Variants in ABCA1 observed in about 807,000 individuals in gnomAD.
ABCA1 encodes ATP binding cassette subfamily A member 1.
In ABCA1, 133 loss-of-function variants were observed where a neutral mutation model predicts 262.5. The ratio of observed to expected loss-of-function variants is 0.51; its 90% CI spans 0.44 to 0.59. The LOEUF is 0.59. ABCA1 is among the 20% of genes least tolerant of loss of function. The pLI, the probability that ABCA1 is intolerant of heterozygous loss-of-function variation, is 0.00. For synonymous variants in ABCA1, 1,022 were observed against 1,043.5 expected, an observed-to-expected ratio of 0.98 and a Z score of 0.40; for missense variants, 2,452 against 2,777.5, an observed-to-expected ratio of 0.88 and a Z score of 2.63.
chr9:104,829,281 C>T (rs933446637), intron 14 of ABCA1, 143 bp from the exon 15 acceptor site: 18 of 786,698 alleles, frequency 2.3e-5, no homozygotes, highest in African/African-American at 1.7e-4. Context: ...CTGAAATGTA[C>T]GTATGATCCA....
chr9:104,897,918 A>G (rs1406386807), intron 2 of ABCA1, among the ~76,000 whole-genome samples: 1 of 152,134 alleles, frequency 6.6e-6, no homozygotes, highest in African/African-American at 2.4e-5. Flanking sequence ...CTTATTAACA[A>G]TACTCTCTTC....
At chr9:104,868,969 CAAGG>C (rs1400692647) in intron 5 of ABCA1, among the ~76,000 whole-genome samples, 3 of 149,192 alleles carry the variant, frequency 2.0e-5, no homozygotes, top group African/African-American at 7.4e-5. Flanking sequence ...GCATAGAGGA[CAAGG>C]AAGGTGGGAG....
chr9:104,840,777 T>C (rs2119035765), intron 8 of ABCA1, among the ~76,000 whole-genome samples: 1 of 152,280 alleles, frequency 6.6e-6, no homozygotes, highest in Non-Finnish European at 1.5e-5. Flanking sequence ...CTGAGACCCC[T>C]CTGCCGACCT....
chr9:104,864,850 GT>G (rs1836945017), intron 5 of ABCA1, among the ~76,000 whole-genome samples: 2 of 152,158 alleles, frequency 1.3e-5, no homozygotes, highest in African/African-American at 2.4e-5. Flanking sequence ...TAAGACTTCT[GT>G]TATGTTAACA....
Position 104,792,779 on chromosome 9 carries a change from C to CTCT in ABCA1, c.5757+4_5757+6dup. ...AAGATGAGCTATTGTAACCTGTACT[C>CTCT]TCTCACCTTCGTCAACTCCTTGATT... On this transcript the variant is annotated splice_region_variant and intron_variant, in intron 42 of 49. Transcript: ENST00000374736. The CTCT allele has an allele frequency of 6.2e-7, 1 of 1,614,104 alleles. No individual in the cohort carries two copies. The highest frequency in any genetic ancestry group is 2.2e-5 in the East Asian group (1 of 44,868).
chr9:104,784,667 TGGGG>T, intron 49 of ABCA1, among the ~76,000 whole-genome samples: 1 of 152,118 alleles, frequency 6.6e-6, no homozygotes, highest in African/African-American at 2.4e-5. Context: ...CCCCTTGAAA[TGGGG>T]TCTTGCTCTG....
At chr9:104,823,071 A>C (rs1832511629) in intron 18 of ABCA1, among the ~76,000 whole-genome samples, 2 of 152,088 alleles carry the variant, frequency 1.3e-5, no homozygotes, top group Admixed American at 1.3e-4. Flanking sequence ...AGTGAAAAAA[A>C]AAAAAAGCCA....
In ABCA1 at chr9:104,799,571, CT is replaced by C. The variant is rs1307002177; in HGVS notation, c.4943+247del. 4.1e-6 allele frequency: 4 copies of C among 984,688 alleles called. No homozygotes were observed. In the African/African-American group the frequency reaches 7.0e-5, roughly 17 times the overall value. The allele number at this position is 984,688 out of a possible 1,614,324, so 61.0% of individuals were successfully genotyped here. On this transcript the variant is annotated intron_variant, in intron 36 of 49. Coordinates refer to ENST00000374736, the MANE Select transcript of ABCA1 (RefSeq NM_005502.4). ...ATTTAATTAACAATTTTTGAACTCACTTTATATGAATTCACTAAATGTTACG... is the reference window on the plus strand; with the variant it reads ...ATTTAATTAACAATTTTTGAACTCACTTATATGAATTCACTAAATGTTACG...
chr9:104,814,632 G>A (rs1436867512), intron 25 of ABCA1, among the ~76,000 whole-genome samples, 157 bp from the exon 26 acceptor site: 2 of 152,214 alleles, frequency 1.3e-5, no homozygotes, highest in African/African-American at 4.8e-5. Flanking sequence ...AGTTACCTGG[G>A]AGAGAAGCCG....
At chr9:104,887,795 C>T (rs376686340) in intron 3 of ABCA1, among the ~76,000 whole-genome samples, 29 of 142,372 alleles carry the variant, frequency 2.0e-4, no homozygotes, top group African/African-American at 6.1e-4. Flanking sequence ...GGCGCAATCT[C>T]GGCTCACTGC....
chr9:104,798,812 A>C (rs912352757), intron 36 of ABCA1, among the ~76,000 whole-genome samples: 3 of 152,186 alleles, frequency 2.0e-5, no homozygotes, highest in Admixed American at 6.5e-5. Context: ...TAAATGCCAA[A>C]CTGGTATTAC....
intron 1 of ABCA1, among the ~76,000 whole-genome samples, chr9:104,909,465 G>C (rs1321728399): frequency 2.0e-5 from 3 of 152,156 alleles, no homozygotes; most frequent in African/African-American, 7.2e-5. Flanking sequence ...TTAGGACAAT[G>C]AACTGAGAGA....
chr9:104,858,468 C>T, intron 7 of ABCA1, 54 bp downstream of exon 7: 1 of 1,570,214 alleles, frequency 6.4e-7, no homozygotes, highest in Admixed American at 1.7e-5. Flanking sequence ...GGAAAAGCCT[C>T]ACATTCCGAA....
intron 1 of ABCA1, among the ~76,000 whole-genome samples, chr9:104,922,281 C>T (rs1160207325): frequency 6.6e-6 from 1 of 152,264 alleles, no homozygotes; most frequent in Admixed American, 6.5e-5. Flanking sequence ...TCTATGCAGG[C>T]TACTTATTCA....
chr9:104,787,808 C>T (rs1829055008), intron 46 of ABCA1, 112 bp downstream of exon 46: 2 of 1,609,572 alleles, frequency 1.2e-6, no homozygotes, highest in Non-Finnish European at 1.7e-6. Flanking sequence ...CTCTGCTGTC[C>T]CTGGGGGAAG....
At chr9:104,834,475 T>C (rs1833622234) in intron 11 of ABCA1, among the ~76,000 whole-genome samples, 1 of 149,400 alleles carries the variant, frequency 6.7e-6, no homozygotes, top group African/African-American at 2.4e-5. Flanking sequence ...GGTTAGCAAT[T>C]CTGAAGCCAC....
chr9:104,890,261 C>CT (rs926982968), intron 2 of ABCA1, among the ~76,000 whole-genome samples: 1 of 152,206 alleles, frequency 6.6e-6, no homozygotes, highest in African/African-American at 2.4e-5. Context: ...TATAAAATCC[C>CT]TTTTTGTCTT....
At chr9:104,840,543 A>T (rs1834274701) in intron 8 of ABCA1, 24 bp from the exon 9 acceptor site, 1 of 1,608,654 alleles carries the variant, frequency 6.2e-7, no homozygotes, top group Admixed American at 1.7e-5. Context: ...TGGGGACAGA[A>T]AGGAGGGTAG....
At chr9:104,896,735 TTTTTTTTTTTTTTC>T (rs1840252696) in intron 2 of ABCA1, among the ~76,000 whole-genome samples, 2 of 124,654 alleles carry the variant, frequency 1.6e-5, no homozygotes, top group African/African-American at 3.3e-5. Flanking sequence ...TTTTTTTTTT[TTTTTTTTTTTTTTC>T]AGACAGAGTT....
Sources: allele counts gnomAD v4.1 joint callset (sites outside exome capture counted in the v4.1 genomes callset), GRCh38; gene constraint gnomAD v4.1.1; transcripts MANE v1.5; gene names NCBI Gene and HGNC (gene_info 2026-07-23, HGNC 2026-07-21).